Variants in DPH6 observed in about 807,000 individuals in gnomAD.
DPH6 encodes the protein diphthine--ammonia ligase.
A neutral mutation model predicts 38.2 loss-of-function variants in DPH6; 33 were observed. The observed-to-expected ratio is 0.86, with a 90% CI of 0.65 to 1.15. DPH6 has a LOEUF of 1.15. Among genes scored for constraint, DPH6 ranks in the 50% most tolerant of loss-of-function variants. The pLI is 0.00. For synonymous variants in DPH6, 108 were observed against 103.0 expected, an observed-to-expected ratio of 1.05 and a Z score of -0.30; for missense variants, 325 against 320.0, an observed-to-expected ratio of 1.02 and a Z score of -0.12.
downstream of DPH6, among the ~76,000 whole-genome samples, chr15:35,216,979 T>C (rs1190020714): frequency 2.6e-5 from 4 of 152,208 alleles, no homozygotes; most frequent in Non-Finnish European, 5.9e-5. Context: ...GGTTTCTATT[T>C]GATCTAGAGA....
At chr15:35,542,834 T>C (rs1401373203) in intron 1 of DPH6, among the ~76,000 whole-genome samples, 1 of 146,754 alleles carries the variant, frequency 6.8e-6, no homozygotes, top group East Asian at 2.0e-4. Flanking sequence ...CAGCTAAACA[T>C]TTATTATATA....
intron 5 of DPH6, among the ~76,000 whole-genome samples, chr15:35,444,077 G>A (rs1320242685): frequency 6.6e-6 from 1 of 152,152 alleles, no homozygotes; most frequent in African/African-American, 2.4e-5. Flanking sequence ...ATTGGCACAT[G>A]AGGTCAACTA....
chr15:35,475,256 A>G (rs1330691940), intron 3 of DPH6, among the ~76,000 whole-genome samples: 1 of 152,072 alleles, frequency 6.6e-6, no homozygotes, highest in Non-Finnish European at 1.5e-5. Context: ...TATATCCAAG[A>G]GATTGCTGAT....
chr15:35,218,295 T>C (rs1020549070), exon 4 of DPH6: 1 of 152,226 alleles, frequency 6.6e-6, no homozygotes, highest in African/African-American at 2.4e-5. Flanking sequence ...CACCTTTTTC[T>C]AAGGGTGATT....
chr15:35,440,748 C>T (rs1200277483), intron 5 of DPH6, among the ~76,000 whole-genome samples: 1 of 152,134 alleles, frequency 6.6e-6, no homozygotes, highest in Non-Finnish European at 1.5e-5. Context: ...GAGGAGCCAC[C>T]AGGAATATGT....
intron 5 of DPH6, among the ~76,000 whole-genome samples, chr15:35,447,220 T>C (rs1463092336): frequency 6.6e-6 from 1 of 152,186 alleles, no homozygotes; most frequent in Non-Finnish European, 1.5e-5. Context: ...ATCCAGAGTG[T>C]TCTCTCAACA....
the DPH6 span, among the ~76,000 whole-genome samples, chr15:35,189,368 G>A: frequency 6.6e-6 from 1 of 152,114 alleles, no homozygotes; most frequent in Non-Finnish European, 1.5e-5. Flanking sequence ...CATGCTTTCT[G>A]CCTTGCCTCA....
At chr15:35,403,826 T>C (rs1010491995) in intron 6 of DPH6, among the ~76,000 whole-genome samples, 15 of 151,936 alleles carry the variant, frequency 9.9e-5, no homozygotes, top group African/African-American at 3.6e-4. Flanking sequence ...TCATTCCTTT[T>C]TTTTTTTTTT....
At chr15:35,193,212 AT>A in the DPH6 span, among the ~76,000 whole-genome samples, 26 of 150,522 alleles carry the variant, frequency 1.7e-4, no homozygotes, top group East Asian at 1.4e-3. Flanking sequence ...ATCAAAATTA[AT>A]TTTTTTTTTC....
At chr15:35,243,625 C>T (rs2051616082) in intron 3 of DPH6, among the ~76,000 whole-genome samples, 1 of 150,034 alleles carries the variant, frequency 6.7e-6, no homozygotes, top group Non-Finnish European at 1.5e-5. Context: ...CCCTACTGAG[C>T]ACCTTGTGAC....
chr15:35,262,675 C>T (rs1445083199), intron 3 of DPH6, among the ~76,000 whole-genome samples: 1 of 129,812 alleles, frequency 7.7e-6, no homozygotes, highest in Non-Finnish European at 1.5e-5. Flanking sequence ...CACTGCACTC[C>T]AGCCTGCGAA....
the DPH6 span, among the ~76,000 whole-genome samples, chr15:35,210,104 T>C: frequency 6.6e-6 from 1 of 152,158 alleles, no homozygotes; most frequent in Non-Finnish European, 1.5e-5. Context: ...TTTGTTTGTA[T>C]TCCACCACGA....
intron 3 of DPH6, among the ~76,000 whole-genome samples, chr15:35,272,100 C>A (rs564177507): frequency 8.6e-4 from 130 of 151,650 alleles, no homozygotes; most frequent in African/African-American, 3.0e-3. Flanking sequence ...AACCACAGAT[C>A]AAAAATATTT....
the DPH6 span, among the ~76,000 whole-genome samples, chr15:35,177,353 T>G: frequency 6.6e-6 from 1 of 151,822 alleles, no homozygotes; most frequent in Admixed American, 6.6e-5. Context: ...GGTAGGGGGA[T>G]GACTTGAGGC....
chr15:35,231,515 T>C (rs565477694), intron 3 of DPH6, among the ~76,000 whole-genome samples: 4 of 152,322 alleles, frequency 2.6e-5, no homozygotes, highest in African/African-American at 9.6e-5. Context: ...GGTGCTTTTT[T>C]TGTGTGTAGA....
At chr15:35,237,882 T>C (rs1262834819) in intron 3 of DPH6, 6 of 1,464,298 alleles carry the variant, frequency 4.1e-6, no homozygotes, top group African/African-American at 1.4e-5. Context: ...GCTCAGGTAG[T>C]GGAGGACGAG....
intron 5 of DPH6, among the ~76,000 whole-genome samples, chr15:35,420,993 C>T (rs77829398): frequency 6.6e-6 from 1 of 152,052 alleles, no homozygotes; most frequent in African/African-American, 2.4e-5. Context: ...TTATTAACAA[C>T]AGTTAAATAC....
chr15:35,306,760 C>T (rs1477095384), intron 3 of DPH6, among the ~76,000 whole-genome samples: 2 of 152,174 alleles, frequency 1.3e-5, no homozygotes, highest in Non-Finnish European at 2.9e-5. Context: ...GGTTACCTCC[C>T]TCAGTAAAGT....
chr15:35,329,929 T>A (rs2052314108), downstream of DPH6, among the ~76,000 whole-genome samples: 1 of 152,092 alleles, frequency 6.6e-6, no homozygotes, highest in Admixed American at 6.6e-5. Context: ...TATTTTAACT[T>A]CTGATGGATA....
Sources: allele counts gnomAD v4.1 joint callset (sites outside exome capture counted in the v4.1 genomes callset), GRCh38; gene constraint gnomAD v4.1.1; transcripts MANE v1.5; gene names NCBI Gene and HGNC (gene_info 2026-07-23, HGNC 2026-07-21).